The following STK39 variants were observed in gnomAD, a reference collection of about 807,000 sequenced individuals.
STK39 encodes serine/threonine kinase 39, also known as STE20/SPS1-related proline-alanine-rich protein kinase.
Under a neutral mutation model 77.8 loss-of-function variants are expected in STK39, and 20 were observed. That is an observed-to-expected ratio of 0.26 (90% CI 0.18 to 0.37). The LOEUF is 0.37. STK39 is among the 10% of genes least tolerant of loss of function. STK39 has a pLI of 1.00. For synonymous variants in STK39, 246 were observed against 234.1 expected (o/e 1.05, Z -0.47); for missense variants, 479 against 656.5 (o/e 0.73, Z 2.95).
At chr2:168,224,235 G>GTTC in intron 1 of STK39, among the ~76,000 whole-genome samples, 1 of 151,912 alleles carries the variant, frequency 6.6e-6, no homozygotes, top group Non-Finnish European at 1.5e-5. Context: ...CGCTTTCTTA[G>GTTC]AGCACTGTTA....
chr2:168,168,316 G>A (rs10432464), intron 2 of STK39, among the ~76,000 whole-genome samples: 40,129 of 151,924 alleles, frequency 0.26, 5,982 homozygotes, highest in East Asian at 0.56. Context: ...TCAGTTTCTC[G>A]TTTTAAGTTA....
At chr2:168,158,719 C>T (rs913471665) in intron 5 of STK39, among the ~76,000 whole-genome samples, 3 of 152,224 alleles carry the variant, frequency 2.0e-5, no homozygotes, top group Admixed American at 1.3e-4. Flanking sequence ...AATTTAGTTT[C>T]TCCTATGTAA....
chr2:168,009,962 T>C (rs1361810978), intron 16 of STK39, among the ~76,000 whole-genome samples: 1 of 152,196 alleles, frequency 6.6e-6, no homozygotes, highest in East Asian at 1.9e-4. Context: ...CCTTCCTAAC[T>C]TTAGCTGAGC....
chr2:168,105,049 T>A (rs1272521052), intron 10 of STK39, among the ~76,000 whole-genome samples: 3 of 152,206 alleles, frequency 2.0e-5, no homozygotes, highest in Non-Finnish European at 4.4e-5. Context: ...ACATTACCTT[T>A]TGGAGTTAAA....
chr2:168,239,538 A>G (rs765400552), intron 1 of STK39, among the ~76,000 whole-genome samples: 1 of 152,230 alleles, frequency 6.6e-6, no homozygotes, highest in Non-Finnish European at 1.5e-5. Context: ...CTTTAAGCTG[A>G]TTGGCCCAAA....
chr2:168,231,279 A>T (rs1487274044), intron 1 of STK39, among the ~76,000 whole-genome samples: 1 of 152,134 alleles, frequency 6.6e-6, no homozygotes, highest in Non-Finnish European at 1.5e-5. Flanking sequence ...AATTAGTCTC[A>T]TTTCTTCATA....
chr2:167,973,549 G>A (rs1683175250), intron 16 of STK39, among the ~76,000 whole-genome samples: 1 of 152,220 alleles, frequency 6.6e-6, no homozygotes, highest in Non-Finnish European at 1.5e-5. Context: ...GTCTGTGTAA[G>A]TCGTGAAAAG....
intron 14 of STK39, among the ~76,000 whole-genome samples, chr2:168,029,864 T>A (rs1229959376): frequency 6.6e-6 from 1 of 152,168 alleles, no homozygotes; most frequent in Non-Finnish European, 1.5e-5. Flanking sequence ...GGCTAACACC[T>A]AAGAGAGTGG....
intron 1 of STK39, among the ~76,000 whole-genome samples, chr2:168,211,897 G>A (rs897173328): frequency 2.0e-5 from 3 of 152,194 alleles, no homozygotes; most frequent in African/African-American, 7.2e-5. Flanking sequence ...ACCATAATCA[G>A]GGTGTGCATA....
intron 14 of STK39, among the ~76,000 whole-genome samples, chr2:168,022,482 C>A (rs763677940): frequency 1.3e-5 from 2 of 152,220 alleles, no homozygotes; most frequent in Non-Finnish European, 2.9e-5. Flanking sequence ...AAGGGGACAA[C>A]CACTATTCAG....
intron 8 of STK39, among the ~76,000 whole-genome samples, chr2:168,131,632 G>T (rs1250388531): frequency 6.6e-6 from 1 of 152,134 alleles, no homozygotes; most frequent in Non-Finnish European, 1.5e-5. Context: ...ATTTCAAGTG[G>T]AACACTGGTT....
At chr2:168,155,127 C>G (rs947097025) in intron 5 of STK39, among the ~76,000 whole-genome samples, 12 of 152,290 alleles carry the variant, frequency 7.9e-5, no homozygotes, top group Non-Finnish European at 1.5e-4. Flanking sequence ...CCCTGTCCCC[C>G]CTGCAGCTAA....
chr2:168,038,968 A>G (rs1685029752), intron 14 of STK39, among the ~76,000 whole-genome samples: 1 of 152,210 alleles, frequency 6.6e-6, no homozygotes, highest in Non-Finnish European at 1.5e-5. Flanking sequence ...TGGAAAATCC[A>G]CTTTGCAAAA....
intron 1 of STK39, among the ~76,000 whole-genome samples, chr2:168,241,496 G>A (rs1331877652): frequency 2.6e-5 from 4 of 152,184 alleles, no homozygotes; most frequent in Admixed American, 1.3e-4. Context: ...TGTCCAAATT[G>A]CCAGGAGCTC....
Position 168,018,543 on chromosome 2 carries a change from AAAG to A in STK39, c.1377-1451_1377-1449del, listed in dbSNP as rs746903805. Among the ~76,000 whole-genome samples the A allele has an allele frequency of 3.9e-4, 39 of 99,510 alleles. 1 individual carries two copies. The highest frequency in any genetic ancestry group is 1.4e-3 in the African/African-American group (37 of 26,138). The allele number at this position is 99,510 out of a possible 152,430, so 65.3% of individuals were successfully genotyped here. ...AGAAAAGAAAGAAAAGAAAGAAAAG[AAAG>A]AAAGAAAGAAAGAAAGAAAGAAAGA... On this transcript the variant is annotated intron_variant, in intron 14 of 17. Transcript: ENST00000355999.
chr2:168,177,107 T>C (rs1365867841), intron 2 of STK39, among the ~76,000 whole-genome samples: 4 of 152,188 alleles, frequency 2.6e-5, no homozygotes, highest in Non-Finnish European at 5.9e-5. Context: ...TTTCCTTCTA[T>C]CAAAGGATCA....
chr2:168,022,591 T>C (rs1429368147), intron 14 of STK39, among the ~76,000 whole-genome samples: 1 of 152,256 alleles, frequency 6.6e-6, no homozygotes, highest in Non-Finnish European at 1.5e-5. Flanking sequence ...TGACATTCCA[T>C]AGTTTTAATT....
At chr2:168,096,847 T>C (rs1686680860) in intron 10 of STK39, among the ~76,000 whole-genome samples, 1 of 152,150 alleles carries the variant, frequency 6.6e-6, no homozygotes, top group Non-Finnish European at 1.5e-5. Flanking sequence ...TGAAACTTGT[T>C]CCATATTTAT....
intron 1 of STK39, among the ~76,000 whole-genome samples, chr2:168,182,545 G>A (rs1689106280): frequency 6.6e-6 from 1 of 152,140 alleles, no homozygotes; most frequent in South Asian, 2.1e-4. Context: ...GCTCCACAAT[G>A]AGAAAAACAA....
Sources: allele counts gnomAD v4.1 joint callset (sites outside exome capture counted in the v4.1 genomes callset), GRCh38; gene constraint gnomAD v4.1.1; transcripts MANE v1.5; gene names NCBI Gene and HGNC (gene_info 2026-07-23, HGNC 2026-07-21).